The following MTMR9 variants were observed in gnomAD, a reference collection of about 807,000 sequenced individuals.
MTMR9 encodes myotubularin related protein 9, also known as myotubularin-related protein 9.
A neutral mutation model predicts 69.5 loss-of-function variants in MTMR9; 39 were observed. The ratio of observed to expected loss-of-function variants is 0.56; its 90% CI spans 0.43 to 0.73. The LOEUF (loss-of-function observed/expected upper bound fraction) is 0.73, where lower values mean the gene tolerates loss of function less well. MTMR9 is among the 30% of genes least tolerant of loss of function. MTMR9 has a pLI of 0.00. For missense variants in MTMR9, 900 were observed against 671.2 expected (o/e 1.34, Z -3.77); for synonymous variants, 354 against 240.8 (o/e 1.47, Z -4.35).
At chr8:11,289,278 A>G (rs1799297247) in intron 1 of MTMR9, among the ~76,000 whole-genome samples, 1 of 152,186 alleles carries the variant, frequency 6.6e-6, no homozygotes, top group African/African-American at 2.4e-5. Flanking sequence ...GTGAATTGTA[A>G]ATGAGGTGAG....
intron 4 of MTMR9, among the ~76,000 whole-genome samples, chr8:11,305,594 A>G (rs1040466489): frequency 1.3e-5 from 2 of 152,246 alleles, no homozygotes; most frequent in African/African-American, 4.8e-5. Context: ...AAAAGTTTCA[A>G]AAGCAAACAT....
chr8:11,313,022 A>G (rs1338271032), intron 6 of MTMR9, among the ~76,000 whole-genome samples: 2 of 152,238 alleles, frequency 1.3e-5, no homozygotes, highest in Non-Finnish European at 2.9e-5. Context: ...GCTGTCATGC[A>G]GGCTTCATTG....
intron 8 of MTMR9, chr8:11,319,237 G>GA: frequency 6.6e-6 from 1 of 152,600 alleles, no homozygotes; most frequent in South Asian, 2.1e-4. Flanking sequence ...AAAGAAACTA[G>GA]AAAAATAAAT....
At chr8:11,333,494 A>G in the MTMR9 span, among the ~76,000 whole-genome samples, 1 of 152,232 alleles carries the variant, frequency 6.6e-6, no homozygotes, top group Non-Finnish European at 1.5e-5. Flanking sequence ...ATGCCTGACA[A>G]GAAATGCTAA....
downstream of MTMR9, chr8:11,331,648 A>G (rs1197800463): frequency 6.2e-7 from 1 of 1,612,382 alleles, no homozygotes. Context: ...TGGACACTAC[A>G]GGAGGGGACC....
intron 2 of MTMR9, among the ~76,000 whole-genome samples, chr8:11,298,245 A>AG (rs1799625055): frequency 6.6e-6 from 1 of 152,148 alleles, no homozygotes; most frequent in Non-Finnish European, 1.5e-5. Context: ...ATTGCCTGTG[A>AG]GAGTGGTTGC....
At chr8:11,306,864 C>T (rs975548238) in intron 5 of MTMR9, among the ~76,000 whole-genome samples, 2 of 152,180 alleles carry the variant, frequency 1.3e-5, no homozygotes, top group Non-Finnish European at 2.9e-5. Context: ...GTCCCTCCTA[C>T]CCCGACCCCT....
chr8:11,313,503 C>T (rs549997891), intron 6 of MTMR9, among the ~76,000 whole-genome samples: 11 of 152,324 alleles, frequency 7.2e-5, no homozygotes, highest in Admixed American at 4.6e-4. Flanking sequence ...CAGCTTTCGA[C>T]GTGCCTTCCT....
At chr8:11,311,209 C>A (rs896302321) in intron 6 of MTMR9, among the ~76,000 whole-genome samples, 9 of 152,180 alleles carry the variant, frequency 5.9e-5, no homozygotes, top group African/African-American at 2.2e-4. Context: ...ATGGGGTTAG[C>A]CTAACCATAA....
the MTMR9 span, among the ~76,000 whole-genome samples, chr8:11,333,992 C>T: frequency 2.0e-5 from 3 of 152,144 alleles, no homozygotes; most frequent in Non-Finnish European, 4.4e-5. Context: ...AAGTGGGTTC[C>T]TGATAAAAAA....
Position 11,295,267 on chromosome 8 carries a change from AT to A in MTMR9, c.257del (p.Met86ArgfsTer5), listed in dbSNP as rs1799510947. The part of the protein sequence containing the change: ...FRIIQLDIPG[M>X]EECLNIASSI... The stretch of plus-strand genomic sequence containing the variant: ...AATTATTCAGTTGGATATTCCTGGA[AT>A]GGAGGAATGCTTGAATATAGCCAGT... On this transcript the variant is annotated frameshift_variant, in exon 2 of 10. Transcript: ENST00000221086. LOFTEE classifies it high-confidence loss of function. 6.2e-7 allele frequency: 1 copy of A among 1,609,046 alleles called. No homozygotes were observed. Among genetic ancestry groups the A allele is most frequent in the Non-Finnish European group, 8.5e-7 (1 of 1,175,990 alleles).
At chr8:11,329,721 C>T (rs1240664574), downstream of MTMR9, among the ~76,000 whole-genome samples, 5 of 152,244 alleles carry the variant, frequency 3.3e-5, no homozygotes, top group African/African-American at 1.2e-4. Flanking sequence ...ATTGCAGCCT[C>T]TGCCCGGCCG....
At chr8:11,318,701 T>C (rs1211595159) in intron 8 of MTMR9, 2 of 152,236 alleles carry the variant, frequency 1.3e-5, no homozygotes, top group Admixed American at 6.5e-5. Context: ...TCCAGAGTTT[T>C]AGAATTATTA....
At position 11,285,002 on chromosome 8, in the gene MTMR9, G is replaced by A. The variant is rs751958077; in HGVS notation, c.114G>A (p.Leu38=). ...TLCLTGHHLI[L]SSRQDNTEEL... ...GCCTGACGGGCCACCACTTGATCCT[G>A]TCCTCCCGGCAGGACAATACGGAGG... is the stretch of plus-strand genomic sequence containing the variant. Residue 38 remains leucine (L), a synonymous_variant, in exon 1 of 10, where the codon CTG becomes CTA. Transcript: ENST00000221086. 1.9e-6 allele frequency: 3 copies of A among 1,613,632 alleles called. No homozygotes were observed. The highest frequency in any genetic ancestry group is 1.3e-5 in the African/African-American group (1 of 74,920).
chr8:11,285,058 C>T lies in MTMR9; in HGVS notation c.170C>T (p.Ala57Val), dbSNP rs1799096427. Reference sequence around the variant, plus strand: ...TGGCTCCTCCATTCAAACATCGACGCCATCGACAAGCGGTGAGTGCCCGCC... The same window carrying T: ...TGGCTCCTCCATTCAAACATCGACGTCATCGACAAGCGGTGAGTGCCCGCC... Reference protein sequence around the residue: ...ELWLLHSNIDAIDKRFVGSLG... With the variant: ...ELWLLHSNIDVIDKRFVGSLG... The change falls in exon 1 of 10, where the codon GCC (alanine) becomes GTC (valine). Residue 57 changes from alanine to valine, a missense_variant. Coordinates refer to ENST00000221086, the MANE Select transcript of MTMR9 (RefSeq NM_015458.4). The T allele has an allele frequency of 1.2e-6, 2 of 1,605,802 alleles. No individual in the cohort carries two copies. Among genetic ancestry groups the T allele is most frequent in the East Asian group, 4.5e-5 (2 of 44,176 alleles).
chr8:11,319,237 G>C (rs1032006785), intron 8 of MTMR9: 2 of 152,482 alleles, frequency 1.3e-5, no homozygotes, highest in African/African-American at 4.8e-5. Context: ...AAAGAAACTA[G>C]AAAAATAAAT....
intron 7 of MTMR9, chr8:11,316,314 A>G (rs1285882783): frequency 6.0e-6 from 1 of 165,426 alleles, no homozygotes; most frequent in African/African-American, 2.4e-5. Flanking sequence ...CTTTGTACTG[A>G]GAGCTTATGT....
intron 1 of MTMR9, among the ~76,000 whole-genome samples, chr8:11,288,357 T>A (rs961704827): frequency 2.1e-5 from 3 of 141,044 alleles, no homozygotes; most frequent in East Asian, 3.9e-4. Context: ...TATATATATA[T>A]AATATATATA....
At chr8:11,311,524 T>A (rs1403334925) in intron 6 of MTMR9, among the ~76,000 whole-genome samples, 1 of 152,228 alleles carries the variant, frequency 6.6e-6, no homozygotes, top group African/African-American at 2.4e-5. Flanking sequence ...TATAATGCAG[T>A]CTGTTAATTG....
Sources: allele counts gnomAD v4.1 joint callset (sites outside exome capture counted in the v4.1 genomes callset), GRCh38; gene constraint gnomAD v4.1.1; transcripts MANE v1.5; gene names NCBI Gene and HGNC (gene_info 2026-07-23, HGNC 2026-07-21).